The following PPME1 variants were observed in gnomAD, a reference collection of about 807,000 sequenced individuals.
PPME1 encodes the protein protein phosphatase methylesterase 1.
A neutral mutation model predicts 56.9 loss-of-function variants in PPME1; 17 were observed. That is an observed-to-expected ratio of 0.30 (90% CI 0.20 to 0.45). The LOEUF is 0.45. PPME1 is among the 20% of genes least tolerant of loss of function. The pLI, the probability that PPME1 is intolerant of heterozygous loss-of-function variation, is 1.00. For missense variants in PPME1, 357 were observed against 483.2 expected (o/e 0.74, Z 2.45); for synonymous variants, 122 against 156.2 (o/e 0.78, Z 1.63).
At chr11:74,186,157 CTCTG>C (rs1455870248) in intron 1 of PPME1, among the ~76,000 whole-genome samples, 1 of 152,150 alleles carries the variant, frequency 6.6e-6, no homozygotes, top group African/African-American at 2.4e-5. Context: ...CTTCTGTATT[CTCTG>C]TCTGTGAATG....
chr11:74,188,463 G>A (rs1857748794), intron 1 of PPME1, among the ~76,000 whole-genome samples: 1 of 152,058 alleles, frequency 6.6e-6, no homozygotes, highest in African/African-American at 2.4e-5. Flanking sequence ...GGGATTACAG[G>A]GGTGAGCCAC....
At chr11:74,206,886 G>A (rs1306750140) in intron 3 of PPME1, among the ~76,000 whole-genome samples, 3 of 152,098 alleles carry the variant, frequency 2.0e-5, no homozygotes, top group African/African-American at 7.2e-5. Context: ...AAAAAAACCA[G>A]CCACATCTTT....
In PPME1 at chr11:74,216,102, G is replaced by A. The variant is rs115937480; in HGVS notation, c.289-6210G>A. The stretch of plus-strand genomic sequence containing the variant: ...CACTTTCAGTGTTGGACAGATAATC[G>A]AGATAGAAAAATTTACGTAATCTGC... On this transcript the variant is annotated intron_variant, in intron 3 of 13. Transcript: ENST00000328257. Among the ~76,000 whole-genome samples the A allele has an allele frequency of 7.9e-3, 1,195 of 152,152 alleles. 10 individuals are homozygous for A. Among genetic ancestry groups the A allele is most frequent in the African/African-American group, 0.026 (1,100 of 41,536 alleles).
Position 74,253,929 on chromosome 11 carries a change from G to T in PPME1, c.*419G>T. The T allele has an allele frequency of 4.0e-6, 1 of 250,574 alleles. No homozygotes were observed. The allele number at this position is 250,574 out of a possible 1,614,324, so 15.5% of individuals were successfully genotyped here. On this transcript the variant is annotated 3_prime_UTR_variant, in exon 14 of 14. Coordinates refer to ENST00000328257, the MANE Select transcript of PPME1 (RefSeq NM_016147.3). ...GGCATGGCCCAGCCCTGCCTCATGG[G>T]ATGGACAATGCATGGGGTGGTCTTT...
chr11:74,202,904 G>A (rs2851712), intron 1 of PPME1, among the ~76,000 whole-genome samples: 149,283 of 152,238 alleles, frequency 0.98, 73,202 homozygotes, highest in East Asian at 1. Context: ...ACACTTACAT[G>A]TATTTCACAA....
intron 13 of PPME1, chr11:74,252,266 T>TA (rs1483470118): frequency 3.4e-6 from 1 of 295,746 alleles, no homozygotes; most frequent in Admixed American, 4.2e-5. Flanking sequence ...TTTTTTTTTT[T>TA]AGTAAAGATG....
At chr11:74,251,046 A>C in intron 12 of PPME1, 28 bp downstream of exon 12, 2 of 1,572,362 alleles carry the variant, frequency 1.3e-6, no homozygotes, top group Non-Finnish European at 1.7e-6. Flanking sequence ...TGACTGTAAA[A>C]GGACAACTGT....
intron 3 of PPME1, among the ~76,000 whole-genome samples, chr11:74,211,180 G>T (rs1319956435): frequency 6.6e-6 from 1 of 152,078 alleles, no homozygotes; most frequent in East Asian, 1.9e-4. Context: ...TGTCACAGAA[G>T]GATTTAAAGG....
At chr11:74,225,596 A>G (rs1033060169) in intron 5 of PPME1, among the ~76,000 whole-genome samples, 5 of 152,326 alleles carry the variant, frequency 3.3e-5, no homozygotes, top group Admixed American at 2.0e-4. Context: ...TTGGAAAAGT[A>G]GTTGTATGCA....
At chr11:74,194,477 G>A (rs1306482579) in intron 1 of PPME1, among the ~76,000 whole-genome samples, 1 of 151,934 alleles carries the variant, frequency 6.6e-6, no homozygotes, top group East Asian at 1.9e-4. Context: ...TTTGACCTGG[G>A]TCTTCCCTGT....
chr11:74,243,732 C>A (rs1859435076), intron 9 of PPME1, among the ~76,000 whole-genome samples: 2 of 151,316 alleles, frequency 1.3e-5, no homozygotes, highest in Non-Finnish European at 2.9e-5. Flanking sequence ...ACCCAAGTTT[C>A]TTGATTTCCC....
intron 1 of PPME1, among the ~76,000 whole-genome samples, chr11:74,178,425 C>T (rs1857451482): frequency 6.6e-6 from 1 of 152,138 alleles, no homozygotes; most frequent in Non-Finnish European, 1.5e-5. Flanking sequence ...TTGATTCATT[C>T]CCTTGGACTG....
At chr11:74,181,696 G>A (rs960286651) in intron 1 of PPME1, among the ~76,000 whole-genome samples, 3 of 152,160 alleles carry the variant, frequency 2.0e-5, no homozygotes, top group Non-Finnish European at 2.9e-5. Context: ...GGCTTTTTCT[G>A]ATCAGTCCAG....
intron 1 of PPME1, among the ~76,000 whole-genome samples, chr11:74,176,592 G>A (rs1238930599): frequency 2.0e-5 from 3 of 151,602 alleles, no homozygotes; most frequent in African/African-American, 7.3e-5. Flanking sequence ...CCATAAACTC[G>A]TTACTCATTA....
intron 1 of PPME1, among the ~76,000 whole-genome samples, chr11:74,183,897 A>G (rs764654583): frequency 5.9e-5 from 9 of 152,204 alleles, no homozygotes; most frequent in Non-Finnish European, 1.2e-4. Flanking sequence ...CTCAGATGCA[A>G]TGGAAACATC....
At chr11:74,196,481 TC>T (rs1857984702) in intron 1 of PPME1, among the ~76,000 whole-genome samples, 1 of 152,184 alleles carries the variant, frequency 6.6e-6, no homozygotes, top group African/African-American at 2.4e-5. Flanking sequence ...TATCCAGTTG[TC>T]CCAATATCAT....
intron 8 of PPME1, chr11:74,238,287 G>C (rs1028525433): frequency 6.6e-6 from 1 of 151,992 alleles, no homozygotes; most frequent in African/African-American, 2.4e-5. Flanking sequence ...TGAAGGTTTG[G>C]CAGAGAAGAC....
At chr11:74,177,319 G>C (rs891444459) in intron 1 of PPME1, among the ~76,000 whole-genome samples, 18 of 151,990 alleles carry the variant, frequency 1.2e-4, no homozygotes, top group Non-Finnish European at 2.9e-5. Flanking sequence ...AAATTTAGCT[G>C]GGTGTGGTGG....
intron 8 of PPME1, chr11:74,238,413 A>C (rs1859252473): frequency 6.6e-6 from 1 of 152,136 alleles, no homozygotes; most frequent in South Asian, 2.1e-4. Flanking sequence ...GTCAAGGGCA[A>C]AATAACAGAT....
Sources: allele counts gnomAD v4.1 joint callset (sites outside exome capture counted in the v4.1 genomes callset), GRCh38; gene constraint gnomAD v4.1.1; transcripts MANE v1.5; gene names NCBI Gene and HGNC (gene_info 2026-07-23, HGNC 2026-07-21).